TMPRSS9: variants seen among roughly 807,000 people sequenced by gnomAD.
TMPRSS9 encodes the protein transmembrane protease serine 9.
Under a neutral mutation model 111.4 loss-of-function variants are expected in TMPRSS9, and 113 were observed. That is an observed-to-expected ratio of 1.01 (90% CI 0.87 to 1.19). TMPRSS9 has a LOEUF of 1.19. TMPRSS9 is among the 50% of genes most tolerant of loss of function. TMPRSS9 has a pLI of 0.00. For missense variants in TMPRSS9, 1,803 were observed against 1,513.1 expected (o/e 1.19, Z -3.18); for synonymous variants, 805 against 659.1 (o/e 1.22, Z -3.39).
intron 7 of TMPRSS9, among the ~76,000 whole-genome samples, chr19:2,406,711 T>C (rs1970977163): frequency 6.6e-6 from 1 of 151,992 alleles, no homozygotes; most frequent in Non-Finnish European, 1.5e-5. Flanking sequence ...CTTGGATTTC[T>C]CGGTGACCAA....
intron 15 of TMPRSS9, 49 bp downstream of exon 16, chr19:2,424,306 C>A: frequency 2.3e-6 from 3 of 1,300,036 alleles, no homozygotes; most frequent in Non-Finnish European, 2.9e-6. Context: ...GTAGCTCACC[C>A]GGAACCGAAC....
chr19:2,389,865 G>T, exon 1 of TMPRSS9: 1 of 1,613,988 alleles, frequency 6.2e-7, no homozygotes, highest in Non-Finnish European at 8.5e-7. Context: ...GCGTGCTGTC[G>T]AGCGGCCAGC....
chr19:2,417,850 C>CT, intron 12 of TMPRSS9, 152 bp from the exon 14 acceptor site: 1 of 1,137,210 alleles, frequency 8.8e-7, no homozygotes, highest in East Asian at 2.4e-5. Context: ...CCTCCTCACT[C>CT]TGTGGCTTTG....
chr19:2,389,135 G>A (rs1396762674), upstream of TMPRSS9, among the ~76,000 whole-genome samples: 6 of 149,130 alleles, frequency 4.0e-5, no homozygotes, highest in African/African-American at 7.4e-5. Flanking sequence ...GTGCAGTGGC[G>A]TGATCTCAGC....
chr19:2,426,258 C>T, downstream of TMPRSS9: 1 of 354,392 alleles, frequency 2.8e-6, no homozygotes, highest in Non-Finnish European at 4.1e-6. Context: ...GCCCCTCCAC[C>T]CTAGCTCACT....
intron 1 of TMPRSS9, among the ~76,000 whole-genome samples, chr19:2,394,186 A>T (rs1359760063): frequency 6.6e-6 from 1 of 151,018 alleles, no homozygotes; most frequent in African/African-American, 2.5e-5. Context: ...CTGGCAACAG[A>T]GTGTGAGACT....
intron 7 of TMPRSS9, 99 bp from the exon 9 acceptor site, chr19:2,408,257 G>T: frequency 8.6e-7 from 1 of 1,160,720 alleles, no homozygotes; most frequent in Admixed American, 2.1e-5. Flanking sequence ...TAATGTGGGG[G>T]GATACCCCTT....
chr19:2,403,741 CCCAGCA>C (rs1350855546), intron 6 of TMPRSS9, among the ~76,000 whole-genome samples: 9 of 151,948 alleles, frequency 5.9e-5, no homozygotes, highest in South Asian at 2.1e-4. Flanking sequence ...CACCTGTAAT[CCCAGCA>C]CTTTGGGAGG....
intron 14 of TMPRSS9, among the ~76,000 whole-genome samples, chr19:2,423,773 C>T (rs1225499695): frequency 3.9e-5 from 6 of 151,914 alleles, no homozygotes; most frequent in African/African-American, 1.5e-4. Flanking sequence ...TGTGCAAAGG[C>T]CTTGGGGTGG....
In TMPRSS9 at chr19:2,375,760, C is replaced by A. The variant is rs546420830; in HGVS notation, c.-25-14001C>A. 2.6e-5 allele frequency among the ~76,000 whole-genome samples: 4 copies of A among 152,238 alleles called. No individual in the cohort carries two copies. In the South Asian group the frequency reaches 8.3e-4, roughly 32 times the overall value. The stretch of plus-strand genomic sequence containing the variant: ...CCAGGACAGCAGGGATGAGGTGGAC[C>A]TTCATTGAAGAAAGGGATGCTGGGC... On this transcript the variant is annotated intron_variant, in intron 1 of 17. Transcript: ENST00000649857.
At chr19:2,419,585 C>T (rs1417417793) in intron 13 of TMPRSS9, among the ~76,000 whole-genome samples, 3 of 149,436 alleles carry the variant, frequency 2.0e-5, no homozygotes, top group African/African-American at 7.4e-5. Flanking sequence ...GGCGTGATCT[C>T]GGCTCACTGC....
At chr19:2,389,879 G>A in exon 1 of TMPRSS9, 4 of 1,613,820 alleles carry the variant, frequency 2.5e-6, no homozygotes, top group Non-Finnish European at 3.4e-6. Flanking sequence ...GGCCAGCATT[G>A]GCGTGGTGGC....
chr19:2,413,707 C>T, exon 10 of TMPRSS9: 1 of 1,602,866 alleles, frequency 6.2e-7, no homozygotes, highest in Non-Finnish European at 8.5e-7. Context: ...TAGGGTGACT[C>T]AGGAGGACCC....
At chr19:2,423,502 T>A (rs1599320052) in intron 14 of TMPRSS9, among the ~76,000 whole-genome samples, 1 of 27,738 alleles carries the variant, frequency 3.6e-5, no homozygotes, top group African/African-American at 1.4e-4. Context: ...GCCAGCTGGG[T>A]GGTGATAGAG....
chr19:2,403,099 T>C (rs1284344104), exon 6 of TMPRSS9: 3 of 1,611,098 alleles, frequency 1.9e-6, no homozygotes, highest in Admixed American at 3.4e-5. Context: ...TCCAGGGAAC[T>C]CCTTTTCCTG....
In TMPRSS9 at chr19:2,426,089, C is replaced by T. The variant is rs555773670; in HGVS notation, c.*1C>T. 2.7e-5 allele frequency: 44 copies of T among 1,601,526 alleles called. No individual in the cohort carries two copies. In the South Asian group the frequency reaches 4.9e-4, roughly 18 times the overall value. On this transcript the variant is annotated 3_prime_UTR_variant, in exon 18 of 18. Transcript: ENST00000648592. ...GATAGGACAGCACATCCAGGAGTGA[C>T]CACCACGTGACTGCCCAGGCCGAGA...
intron 1 of TMPRSS9, among the ~76,000 whole-genome samples, chr19:2,375,014 A>ACTC (rs1022569658): frequency 2.0e-5 from 3 of 152,024 alleles, no homozygotes; most frequent in African/African-American, 7.2e-5. Context: ...GCTGCGCCTG[A>ACTC]CTCACTCTGG....
At position 2,410,208 on chromosome 19, in the gene TMPRSS9, T is replaced by C. The variant is rs553534411; in HGVS notation, c.1118-50T>C. On this transcript the variant is annotated intron_variant, in intron 8 of 17. Transcript: ENST00000648592. ...CTTCAGCCTCCCAGCTCAAAGTGGC[T>C]GCCAGGGCTCCGGCACTCTCACCCT... 7 of 1,604,646 alleles carry C rather than the reference T, an allele frequency of 4.4e-6. 1 individual carries two copies. In the African/African-American group the frequency reaches 9.3e-5, roughly 21 times the overall value.
intron 1 of TMPRSS9, among the ~76,000 whole-genome samples, chr19:2,375,402 T>G (rs140932567): frequency 3.2e-5 from 4 of 123,094 alleles, no homozygotes; most frequent in Middle Eastern, 7.2e-3. Context: ...GGGTCTAGTG[T>G]GGACCAATCA....
Sources: allele counts gnomAD v4.1 joint callset (sites outside exome capture counted in the v4.1 genomes callset), GRCh38; gene constraint gnomAD v4.1.1; transcripts MANE v1.5; gene names NCBI Gene and HGNC (gene_info 2026-07-23, HGNC 2026-07-21).